COMMD7: variants seen among roughly 807,000 people sequenced by gnomAD.
The protein encoded by COMMD7 is COMM domain containing 7.
A neutral mutation model predicts 34.8 loss-of-function variants in COMMD7; 28 were observed. The observed-to-expected ratio is 0.80, with a 90% CI of 0.60 to 1.10. COMMD7 has a LOEUF of 1.10. COMMD7 is among the 50% of genes least tolerant of loss of function. COMMD7 has a pLI of 0.00. For missense variants in COMMD7, 211 were observed against 241.6 expected (o/e 0.87, Z 0.84); for synonymous variants, 80 against 86.4 (o/e 0.93, Z 0.41).
intron 1 of COMMD7, among the ~76,000 whole-genome samples, chr20:32,732,965 G>A (rs997621928): frequency 2.7e-5 from 4 of 150,474 alleles, no homozygotes; most frequent in Admixed American, 6.7e-5. Flanking sequence ...GGTCGGACGC[G>A]GTGGCTCACA....
At chr20:32,704,241 G>A (rs550428152) in intron 7 of COMMD7, among the ~76,000 whole-genome samples, 170 bp from the exon 8 acceptor site, 28 of 152,002 alleles carry the variant, frequency 1.8e-4, no homozygotes, top group African/African-American at 6.3e-4. Flanking sequence ...GAACAATCAC[G>A]CATCAATGAA....
At chr20:32,706,551 C>A in intron 5 of COMMD7, 32 bp downstream of exon 5, 2 of 1,517,392 alleles carry the variant, frequency 1.3e-6, no homozygotes, top group South Asian at 1.2e-5. Context: ...GGATCTTAAT[C>A]AGCCATTAAC....
At chr20:32,719,496 A>G (rs2145741853) in intron 3 of COMMD7, among the ~76,000 whole-genome samples, 1 of 152,120 alleles carries the variant, frequency 6.6e-6, no homozygotes, top group East Asian at 1.9e-4. Flanking sequence ...TAAAAATACA[A>G]AAAATTAGCC....
chr20:32,709,640 C>T (rs888159961), intron 3 of COMMD7, among the ~76,000 whole-genome samples: 2 of 152,196 alleles, frequency 1.3e-5, no homozygotes, highest in African/African-American at 4.8e-5. Context: ...TCTCCTATTT[C>T]ACTCACAGTA....
chr20:32,733,945 G>A (rs1391643428), intron 1 of COMMD7, among the ~76,000 whole-genome samples: 3 of 151,104 alleles, frequency 2.0e-5, no homozygotes, highest in Admixed American at 1.3e-4. Flanking sequence ...TAGGGAGGCC[G>A]AGGCGCGCAG....
intron 1 of COMMD7, among the ~76,000 whole-genome samples, chr20:32,730,103 T>C (rs1479157113): frequency 6.6e-6 from 1 of 152,124 alleles, no homozygotes; most frequent in Non-Finnish European, 1.5e-5. Flanking sequence ...AGGTATTTTG[T>C]TATGGCAGCC....
At chr20:32,733,805 A>C (rs905693130) in intron 1 of COMMD7, among the ~76,000 whole-genome samples, 1 of 151,278 alleles carries the variant, frequency 6.6e-6, no homozygotes, top group Admixed American at 6.6e-5. Flanking sequence ...GAATTGCTTG[A>C]ACCTGGGAGG....
intron 6 of COMMD7, 113 bp downstream of exon 6, chr20:32,704,701 G>A: frequency 1.2e-6 from 1 of 838,322 alleles, no homozygotes. Context: ...AGCAGCTGCT[G>A]CCCCAACAGT....
intron 3 of COMMD7, among the ~76,000 whole-genome samples, chr20:32,708,396 G>C (rs942859822): frequency 5.9e-5 from 9 of 152,056 alleles, no homozygotes; most frequent in African/African-American, 2.2e-4. Flanking sequence ...CCTAAAGGCT[G>C]TTGTACCGGT....
intron 3 of COMMD7, among the ~76,000 whole-genome samples, chr20:32,714,911 G>T (rs1984685103): frequency 6.6e-6 from 1 of 150,900 alleles, no homozygotes; most frequent in Non-Finnish European, 1.5e-5. Flanking sequence ...AGGAGGTTGA[G>T]AGGCAGGAGA....
At chr20:32,716,800 A>G (rs1457340329) in intron 3 of COMMD7, among the ~76,000 whole-genome samples, 1 of 152,092 alleles carries the variant, frequency 6.6e-6, no homozygotes, top group African/African-American at 2.4e-5. Context: ...TCCAGTTCAG[A>G]GAGCAGTAAG....
chr20:32,720,319 A>AC (rs1340809108), intron 3 of COMMD7, among the ~76,000 whole-genome samples: 1 of 152,050 alleles, frequency 6.6e-6, no homozygotes, highest in African/African-American at 2.4e-5. Flanking sequence ...ACATGGTGAA[A>AC]CCCCGTCTGT....
chr20:32,741,213 AT>A (rs920593754), intron 1 of COMMD7, among the ~76,000 whole-genome samples: 4 of 150,836 alleles, frequency 2.7e-5, no homozygotes, highest in East Asian at 1.9e-4. Flanking sequence ...AAAAAAAAAA[AT>A]TTTTTTTTAG....
At chr20:32,743,280 G>GCGCCCCA in intron 1 of COMMD7, 28 bp downstream of exon 1, 3 of 703,802 alleles carry the variant, frequency 4.3e-6, no homozygotes, top group Non-Finnish European at 6.2e-6. Context: ...CCTGGGCCCC[G>GCGCCCCA]CGCCCCACGC....
intron 3 of COMMD7, among the ~76,000 whole-genome samples, chr20:32,720,365 CAT>C: frequency 2.6e-5 from 4 of 152,048 alleles, no homozygotes; most frequent in African/African-American, 9.7e-5. Flanking sequence ...CATGGTGGCA[CAT>C]GCCTGTAATC....
intron 7 of COMMD7, 34 bp from the exon 8 acceptor site, chr20:32,704,105 A>G (rs1983914051): frequency 6.6e-7 from 1 of 1,506,444 alleles, no homozygotes; most frequent in Non-Finnish European, 9.1e-7. Context: ...TTAAATTAAA[A>G]TGATGACAAC....
chr20:32,709,081 C>T (rs574978317), intron 3 of COMMD7, among the ~76,000 whole-genome samples: 64 of 152,216 alleles, frequency 4.2e-4, no homozygotes, highest in Non-Finnish European at 7.6e-4. Context: ...CCAAGCTGCA[C>T]CCAAAAGCAC....
intron 1 of COMMD7, 25 bp from the exon 2 acceptor site, chr20:32,728,167 T>C: frequency 6.2e-7 from 1 of 1,612,934 alleles, no homozygotes; most frequent in Non-Finnish European, 8.5e-7. Context: ...ACACAGAACA[T>C]CAGTACAATT....
At chr20:32,729,757 A>C (rs921587446) in intron 1 of COMMD7, among the ~76,000 whole-genome samples, 29 of 152,078 alleles carry the variant, frequency 1.9e-4, no homozygotes, top group Admixed American at 1.9e-3. Context: ...CTGTAATCCC[A>C]GCACTTTGGG....
Sources: gnomAD v4.1 joint callset for allele counts (sites outside exome capture counted in the v4.1 genomes callset) on GRCh38, gnomAD v4.1.1 for gene constraint, MANE v1.5 for transcripts, NCBI Gene and HGNC (gene_info 2026-07-23, HGNC 2026-07-21) for gene names.